The following CACNA1E variants were observed in gnomAD, a reference collection of about 807,000 sequenced individuals.
CACNA1E encodes calcium voltage-gated channel subunit alpha1 E.
Under a neutral mutation model 259.2 loss-of-function variants are expected in CACNA1E, and 40 were observed. That is an observed-to-expected ratio of 0.15 (90% confidence interval 0.12 to 0.20). The LOEUF is 0.20. Among genes scored for constraint, CACNA1E ranks in the 10% least tolerant of loss-of-function variants. The pLI is 1.00. For synonymous variants in CACNA1E, 1,104 were observed against 1,138.5 expected (o/e 0.97, Z 0.61); for missense variants, 1,874 against 3,040.1 (o/e 0.62, Z 9.02).
intron 7 of CACNA1E, among the ~76,000 whole-genome samples, chr1:181,671,797 G>C (rs189668207): frequency 2.1e-4 from 32 of 152,330 alleles, no homozygotes; most frequent in Middle Eastern, 6.8e-3. Flanking sequence ...TGTGTGGAAG[G>C]CTTCATTCTT....
chr1:181,367,508 C>G (rs1396005488), intron 1 of CACNA1E, among the ~76,000 whole-genome samples: 1 of 150,002 alleles, frequency 6.7e-6, no homozygotes, highest in Non-Finnish European at 1.5e-5. Context: ...AAGCTTGAAA[C>G]TTTCCAGACG....
At chr1:181,572,312 G>A (rs1001243000) in intron 3 of CACNA1E, among the ~76,000 whole-genome samples, 1 of 152,204 alleles carries the variant, frequency 6.6e-6, no homozygotes, top group Non-Finnish European at 1.5e-5. Context: ...GTTCTGCTGT[G>A]CCACTGTGCT....
chr1:181,709,514 T>C (rs920112913), intron 7 of CACNA1E, among the ~76,000 whole-genome samples: 1 of 152,168 alleles, frequency 6.6e-6, no homozygotes, highest in African/African-American at 2.4e-5. Context: ...CGTCTTCCCT[T>C]TCCCTGCACT....
chr1:181,720,242 G>T lies in CACNA1E; in HGVS notation c.1788G>T (p.Leu596Phe). ...CCCTACGGAATTTGGTGGTCTCCTTGATGAGCTCAATGAAGTCTATCATCA... is the reference window on the plus strand; with the variant it reads ...CCCTACGGAATTTGGTGGTCTCCTTTATGAGCTCAATGAAGTCTATCATCA... ...WASLRNLVVS[L>F]MSSMKSIISL... Residue 596 changes from leucine to phenylalanine, a missense_variant, in exon 14 of 48, where the codon TTG becomes TTT. Physicochemically the swap from Leu to Phe is conservative, Grantham distance 22. Transcript: ENST00000367573. The T allele has an allele frequency of 6.2e-7, 1 of 1,613,890 alleles. No homozygotes were observed. The highest frequency in any genetic ancestry group is 8.5e-7 in the Non-Finnish European group (1 of 1,179,842).
rs1389190786 is a variant in CACNA1E, at chr1:181,758,958, A to G, written c.4605+90A>G. On this transcript the variant is annotated intron_variant, in intron 32 of 47. Coordinates refer to ENST00000367573, the MANE Select transcript of CACNA1E (RefSeq NM_001205293.3). The surrounding 1 kb of genome is among the most constrained non-coding windows in gnomAD (Gnocchi z 4.2). ...TGTTGAAGGGGAGGTGGTTACTGCTATTCCAGAAATCACCCACCTAGATGT... is the reference window on the plus strand; with the variant it reads ...TGTTGAAGGGGAGGTGGTTACTGCTGTTCCAGAAATCACCCACCTAGATGT... The G allele has an allele frequency of 8.1e-6, 6 of 740,246 alleles. No individual in the cohort carries two copies. In the East Asian group the frequency reaches 1.5e-4, roughly 19 times the overall value. The allele number at this position is 740,246 out of a possible 1,614,324, so 45.9% of individuals were successfully genotyped here.
At chr1:181,552,912 T>C (rs535079877) in intron 3 of CACNA1E, among the ~76,000 whole-genome samples, 13 of 152,350 alleles carry the variant, frequency 8.5e-5, no homozygotes, top group African/African-American at 3.1e-4. Context: ...CCTTGTAGTA[T>C]AGTTTGAAAT....
chr1:181,716,649 T>C (rs749565960), intron 10 of CACNA1E, among the ~76,000 whole-genome samples: 1 of 152,222 alleles, frequency 6.6e-6, no homozygotes, highest in Non-Finnish European at 1.5e-5. Flanking sequence ...TGGCAGGTTT[T>C]TCCTCCCCAG....
At chr1:181,589,438 A>G (rs1380305519) in intron 6 of CACNA1E, among the ~76,000 whole-genome samples, 7 of 152,212 alleles carry the variant, frequency 4.6e-5, no homozygotes, top group Non-Finnish European at 1.5e-5. Context: ...AAGGGGCAAT[A>G]AGTCAGGTGC....
At chr1:181,387,077 G>A (rs1384133659) in intron 1 of CACNA1E, among the ~76,000 whole-genome samples, 3 of 152,148 alleles carry the variant, frequency 2.0e-5, no homozygotes, top group African/African-American at 7.2e-5. Context: ...AGGACTGTGT[G>A]CCCCAGCCCT....
intron 12 of CACNA1E, among the ~76,000 whole-genome samples, chr1:181,718,611 AAC>A (rs60522141): frequency 0.16 from 19,576 of 123,786 alleles, 1,191 homozygotes; most frequent in Middle Eastern, 0.19. Flanking sequence ...CCCTCATTCA[AAC>A]ACACACACAC....
chr1:181,485,559 C>T lies in CACNA1E; in HGVS notation c.266+1549C>T, dbSNP rs1488384804. 6.6e-6 allele frequency among the ~76,000 whole-genome samples: 1 copy of T among 152,192 alleles called. No homozygotes were observed. The highest frequency in any genetic ancestry group is 2.4e-5 in the African/African-American group (1 of 41,444). On this transcript the variant is annotated intron_variant, in intron 1 of 47. Transcript: ENST00000367573. The surrounding 1 kb of genome is among the most constrained non-coding windows in gnomAD (Gnocchi z 4.2). The stretch of plus-strand genomic sequence containing the variant: ...CTGCTCCACTCTCACAGAGTGATCC[C>T]AGGCCATCCATTGCCTGAGTTGAAC...
At chr1:181,744,532 C>T (rs1036511020) in intron 25 of CACNA1E, among the ~76,000 whole-genome samples, 3 of 152,210 alleles carry the variant, frequency 2.0e-5, no homozygotes, top group African/African-American at 4.8e-5. Flanking sequence ...TACACACTCA[C>T]GCTCAGCACA....
At chr1:181,569,532 A>T (rs1650192711) in intron 3 of CACNA1E, among the ~76,000 whole-genome samples, 1 of 152,262 alleles carries the variant, frequency 6.6e-6, no homozygotes, top group Non-Finnish European at 1.5e-5. Context: ...TTGATTCCCA[A>T]ATCAAATCAC....
At chr1:181,553,210 C>T (rs910968628) in intron 3 of CACNA1E, among the ~76,000 whole-genome samples, 5 of 152,166 alleles carry the variant, frequency 3.3e-5, no homozygotes, top group Middle Eastern at 3.2e-3. Context: ...TTGAAGAGGT[C>T]CTTCACATCC....
At chr1:181,425,349 G>A (rs1571839822) in intron 2 of CACNA1E, among the ~76,000 whole-genome samples, 1 of 152,090 alleles carries the variant, frequency 6.6e-6, no homozygotes, top group Admixed American at 6.5e-5. Flanking sequence ...ATCTTTAAGG[G>A]CTTGCCTGGA....
chr1:181,611,848 A>G (rs1654780298), intron 6 of CACNA1E, among the ~76,000 whole-genome samples: 1 of 152,212 alleles, frequency 6.6e-6, no homozygotes, highest in African/African-American at 2.4e-5. Flanking sequence ...GATAAAGACC[A>G]CTTGTATATG....
chr1:181,718,116 C>A lies in CACNA1E; in HGVS notation c.1587C>A (p.Gly529=). Residue 529 remains glycine, a synonymous_variant, in exon 12 of 48, where the codon GGC becomes GGA. Coordinates refer to ENST00000367573, the MANE Select transcript of CACNA1E (RefSeq NM_001205293.3). ...TGGAGATGTCCCTGAAGATGTATGGCATGGGGCCTCGCCTTTATTTTCACT... is the reference window on the plus strand; with the variant it reads ...TGGAGATGTCCCTGAAGATGTATGGAATGGGGCCTCGCCTTTATTTTCACT... ...FLLEMSLKMY[G]MGPRLYFHSS... 1.2e-6 allele frequency: 2 copies of A among 1,611,496 alleles called. No homozygotes were observed. Among genetic ancestry groups the A allele is most frequent in the Non-Finnish European group, 8.5e-7 (1 of 1,177,688 alleles).
At chr1:181,544,058 C>A (rs1668796113) in intron 3 of CACNA1E, among the ~76,000 whole-genome samples, 1 of 152,142 alleles carries the variant, frequency 6.6e-6, no homozygotes, top group African/African-American at 2.4e-5. Flanking sequence ...CAAAAAGTAT[C>A]CCAAGTGTAC....
At chr1:181,719,057 G>A (rs1654190940) in intron 12 of CACNA1E, among the ~76,000 whole-genome samples, 1 of 152,146 alleles carries the variant, frequency 6.6e-6, no homozygotes. Flanking sequence ...TTCTGAGTAC[G>A]GGCAATTTTC....
Sources: gnomAD v4.1 joint callset for allele counts (sites outside exome capture counted in the v4.1 genomes callset) on GRCh38, gnomAD v4.1.1 for gene constraint, Gnocchi (gnomAD v3.1) non-coding constraint, MANE v1.5 for transcripts, NCBI Gene and HGNC (gene_info 2026-07-23, HGNC 2026-07-21) for gene names.